Variants in GRIN2A observed in about 807,000 individuals in gnomAD.
The protein encoded by GRIN2A is glutamate ionotropic receptor NMDA type subunit 2A.
In GRIN2A, 22 loss-of-function variants were observed where a neutral mutation model predicts 113.4. The observed-to-expected ratio is 0.19, with a 90% CI of 0.14 to 0.28. The LOEUF (loss-of-function observed/expected upper bound fraction) is 0.28, where lower values mean the gene tolerates loss of function less well. Among genes scored for constraint, GRIN2A ranks in the 10% least tolerant of loss-of-function variants. The pLI is 1.00. For synonymous variants in GRIN2A, 827 were observed against 738.4 expected, an observed-to-expected ratio of 1.12 and a Z score of -1.94; for missense variants, 1,502 against 1,887.0, an observed-to-expected ratio of 0.80 and a Z score of 3.78.
intron 2 of GRIN2A, among the ~76,000 whole-genome samples, chr16:10,127,127 C>T (rs1183008130): frequency 6.6e-6 from 1 of 152,084 alleles, no homozygotes; most frequent in East Asian, 1.9e-4. Context: ...ATTTCAAAAT[C>T]CACTTGCCTT....
At chr16:10,111,486 C>G in intron 2 of GRIN2A, 1 of 665,508 alleles carries the variant, frequency 1.5e-6, no homozygotes, top group South Asian at 1.6e-5. Context: ...ACAACAACTT[C>G]CTGATTCTCC....
chr16:10,003,563 C>G (rs2046357168), intron 2 of GRIN2A, among the ~76,000 whole-genome samples: 1 of 152,194 alleles, frequency 6.6e-6, no homozygotes, highest in Admixed American at 6.5e-5. Context: ...CCAAGTAGAG[C>G]TGAGTTCTTG....
At chr16:10,067,864 C>G (rs919064957) in intron 2 of GRIN2A, among the ~76,000 whole-genome samples, 14 of 152,178 alleles carry the variant, frequency 9.2e-5, no homozygotes, top group Admixed American at 9.2e-4. Flanking sequence ...TATCCACCCC[C>G]TCCACCCCAC....
At chr16:10,078,193 T>C (rs1211224093) in intron 2 of GRIN2A, among the ~76,000 whole-genome samples, 3 of 152,220 alleles carry the variant, frequency 2.0e-5, no homozygotes, top group South Asian at 2.1e-4. Flanking sequence ...AAGTGCTTAG[T>C]CCACGGATTG....
At chr16:10,098,237 A>G (rs1487471371) in intron 2 of GRIN2A, among the ~76,000 whole-genome samples, 2 of 152,224 alleles carry the variant, frequency 1.3e-5, no homozygotes, top group Non-Finnish European at 2.9e-5. Context: ...AGGGAAATGC[A>G]AATCAAACCA....
chr16:9,919,694 A>G (rs1367653743), intron 3 of GRIN2A, among the ~76,000 whole-genome samples: 2 of 152,190 alleles, frequency 1.3e-5, no homozygotes, highest in African/African-American at 2.4e-5. Context: ...AAAACTCTCC[A>G]AAGACTTTTC....
intron 2 of GRIN2A, among the ~76,000 whole-genome samples, chr16:9,980,371 A>G (rs1017336803): frequency 2.0e-5 from 3 of 152,132 alleles, no homozygotes; most frequent in African/African-American, 7.2e-5. Flanking sequence ...AAATAGGAAC[A>G]CTTTTACACT....
rs1596488456 is a variant in GRIN2A at position 9,844,761 on chromosome 16, C to T, written c.1329-3657G>A. 2.0e-5 allele frequency among the ~76,000 whole-genome samples: 3 copies of T among 152,246 alleles called. No individual in the cohort carries two copies. The Middle Eastern group carries it at 0.01, about 518-fold the overall frequency. On this transcript the variant is annotated intron_variant, in intron 5 of 12. Transcript: ENST00000330684. ...ACTTAAAAATAAATTTCCTTTCTTC[C>T]CACCAATGATTTGACAGTTTGGGAG...
At chr16:9,906,869 G>A (rs1158642974) in intron 3 of GRIN2A, among the ~76,000 whole-genome samples, 1 of 152,172 alleles carries the variant, frequency 6.6e-6, no homozygotes, top group Non-Finnish European at 1.5e-5. Flanking sequence ...TCAAGATAGG[G>A]TCTTGCTGTG....
chr16:9,978,267 T>C (rs1483142179), intron 2 of GRIN2A, among the ~76,000 whole-genome samples: 2 of 152,208 alleles, frequency 1.3e-5, no homozygotes, highest in African/African-American at 4.8e-5. Flanking sequence ...AGAAGCTATG[T>C]GACTCAGGCA....
chr16:9,887,172 C>T (rs1203984116), intron 4 of GRIN2A, among the ~76,000 whole-genome samples: 7 of 152,142 alleles, frequency 4.6e-5, no homozygotes, highest in Admixed American at 3.9e-4. Context: ...CAGGCATGAG[C>T]CACCAAGCCC....
chr16:10,083,902 G>A (rs1221047003), intron 2 of GRIN2A, among the ~76,000 whole-genome samples: 1 of 152,132 alleles, frequency 6.6e-6, no homozygotes, highest in East Asian at 1.9e-4. Flanking sequence ...AGGAGTTTAA[G>A]ATCAGCCTGG....
intron 2 of GRIN2A, among the ~76,000 whole-genome samples, chr16:10,093,222 A>G (rs749629367): frequency 2.6e-5 from 4 of 152,236 alleles, no homozygotes; most frequent in Non-Finnish European, 4.4e-5. Context: ...TCCGTATGTC[A>G]TAATAACAGA....
chr16:9,822,290 C>T lies in GRIN2A; in HGVS notation c.2142G>A (p.Glu714=), dbSNP rs2141294683. 2 of 1,613,670 alleles carry T rather than the reference C, an allele frequency of 1.2e-6. No homozygotes were observed. The highest frequency in any genetic ancestry group is 1.7e-6 in the Non-Finnish European group (2 of 1,179,640). The change falls in exon 10 of 13, where the codon GAG becomes GAA. Residue 714 remains glutamate (E), a synonymous_variant. Coordinates refer to ENST00000330684, the MANE Select transcript of GRIN2A (RefSeq NM_001134407.3). ...CCGTTTTCAGGCTGACCAAGGCGTC[C>T]TCTACTCCTTTCTGATTAAATTTGG... ...YMTKFNQKGV[E]DALVSLKTGK...
In GRIN2A at chr16:10,126,353, A is replaced by G. The variant is rs115855920; in HGVS notation, c.414+53645T>C. Among the ~76,000 whole-genome samples, 718 of 151,912 alleles carry G rather than the reference A, an allele frequency of 4.7e-3. 10 individuals carry two copies. The highest frequency in any genetic ancestry group is 0.015 in the African/African-American group (624 of 41,458). ...TTTAAAAAAATTATTTTTTGTAGAG[A>G]GGGGGGTCTCGCTATGTTACCCAGA... On this transcript the variant is annotated intron_variant, in intron 2 of 12. Coordinates refer to ENST00000330684, the MANE Select transcript of GRIN2A (RefSeq NM_001134407.3).
At chr16:9,946,200 C>A (rs977675223) in intron 2 of GRIN2A, among the ~76,000 whole-genome samples, 3 of 152,216 alleles carry the variant, frequency 2.0e-5, no homozygotes, top group Non-Finnish European at 4.4e-5. Flanking sequence ...AAGACCCAAG[C>A]TGGCTTTACC....
chr16:9,953,188 A>G (rs749988549), intron 2 of GRIN2A, among the ~76,000 whole-genome samples: 1 of 152,186 alleles, frequency 6.6e-6, no homozygotes, highest in South Asian at 2.1e-4. Flanking sequence ...GGTTCAAGAG[A>G]TGTTTAGGAG....
intron 2 of GRIN2A, among the ~76,000 whole-genome samples, chr16:10,178,494 T>G (rs1251544364): frequency 6.6e-6 from 1 of 152,180 alleles, no homozygotes; most frequent in Non-Finnish European, 1.5e-5. Context: ...AACCCTAAGA[T>G]GCTCTCCAGT....
chr16:9,861,522 C>G (rs1474394361), intron 4 of GRIN2A, among the ~76,000 whole-genome samples: 1 of 152,264 alleles, frequency 6.6e-6, no homozygotes, highest in Middle Eastern at 3.4e-3. Context: ...CTGCTTGAAA[C>G]CAAAAGCAGA....
Sources: allele counts gnomAD v4.1 joint callset (sites outside exome capture counted in the v4.1 genomes callset), GRCh38; gene constraint gnomAD v4.1.1; transcripts MANE v1.5; gene names NCBI Gene and HGNC (gene_info 2026-07-23, HGNC 2026-07-21).